The following MAS1 variants were observed in gnomAD, a reference collection of about 807,000 sequenced individuals.
The protein encoded by MAS1 is proto-oncogene Mas.
For synonymous variants in MAS1, 163 were observed against 164.2 expected, an observed-to-expected ratio of 0.99 and a Z score of 0.05; for missense variants, 387 against 409.7, an observed-to-expected ratio of 0.94 and a Z score of 0.48.
rs371160891 is a variant in MAS1, at chr6:159,903,445, C to T, written c.-36-3475C>T. On this transcript the variant is annotated intron_variant, in intron 2 of 2. Transcript: ENST00000674077. ...CCAGGTTCCCGAGCACTAAGCTGGG[C>T]GGGCTGTAGGTTAGCCTGGCTGGAG... Among the ~76,000 whole-genome samples the T allele has an allele frequency of 9.9e-5, 15 of 152,266 alleles. No homozygotes were observed. The South Asian group carries it at 1.2e-3, about 13-fold the overall frequency.
chr6:159,905,212 G>A (rs1782870702), intron 2 of MAS1, among the ~76,000 whole-genome samples: 1 of 152,246 alleles, frequency 6.6e-6, no homozygotes, highest in South Asian at 2.1e-4. Flanking sequence ...CTAGCACAGT[G>A]CCTGGCATGG....
intron 2 of MAS1, among the ~76,000 whole-genome samples, chr6:159,900,887 A>C (rs1478221130): frequency 6.6e-6 from 1 of 152,220 alleles, no homozygotes; most frequent in Non-Finnish European, 1.5e-5. Flanking sequence ...TCCTGGTTTC[A>C]AGGAGTTTGC....
chr6:159,914,029 T>C lies in MAS1; in HGVS notation c.*6096T>C, dbSNP rs189256073. 24 of 152,354 alleles carry C rather than the reference T, an allele frequency of 1.6e-4. No individual in the cohort carries two copies. Among genetic ancestry groups the C allele is most frequent in the African/African-American group, 5.5e-4 (23 of 41,578 alleles). The allele number at this position is 152,354 out of a possible 1,614,324, so 9.4% of individuals were successfully genotyped here. On this transcript the variant is annotated 3_prime_UTR_variant, in exon 3 of 3. Transcript: ENST00000674077. ...CCCAACATGAAACTAATGATTCAAATGATAAGAGGCAAGTGCCAGGCACAA... is the reference window on the plus strand; with the variant it reads ...CCCAACATGAAACTAATGATTCAAACGATAAGAGGCAAGTGCCAGGCACAA...
upstream of MAS1, among the ~76,000 whole-genome samples, chr6:159,889,062 C>A (rs1782666638): frequency 6.6e-6 from 1 of 152,164 alleles, no homozygotes; most frequent in African/African-American, 2.4e-5. Context: ...AAGCTGGGGG[C>A]AAAGAGAGCC....
At chr6:159,898,489 A>ACTCCTCCTCCTCCTCCTCCTC in intron 1 of MAS1, among the ~76,000 whole-genome samples, 1 of 125,100 alleles carries the variant, frequency 8.0e-6, no homozygotes, top group South Asian at 2.7e-4. Flanking sequence ...TGATTTCCAG[A>ACTCCTCCTCCTCCTCCTCCTC]CTCCTCCTCC....
At chr6:159,904,897 T>C (rs1782866573) in intron 2 of MAS1, among the ~76,000 whole-genome samples, 1 of 152,208 alleles carries the variant, frequency 6.6e-6, no homozygotes, top group Admixed American at 6.5e-5. Context: ...ACTTGCTGTT[T>C]CTTTTGCCTG....
At chr6:159,904,417 C>T (rs1423983201) in intron 2 of MAS1, among the ~76,000 whole-genome samples, 1 of 152,154 alleles carries the variant, frequency 6.6e-6, no homozygotes, top group Non-Finnish European at 1.5e-5. Context: ...TAACCCGCTT[C>T]ACCTGCACCT....
rs1783039420 is a variant in MAS1, at chr6:159,917,309, T to C, written c.*9376T>C. On this transcript the variant is annotated 3_prime_UTR_variant, in exon 3 of 3. Coordinates refer to ENST00000674077, the MANE Select transcript of MAS1 (RefSeq NM_002377.4). Reference sequence around the variant, plus strand: ...AAAACGAGAGATTTTCTGTAGTAAGTACATTGCCTGTAAATAGAATTCCAA... The same window carrying C: ...AAAACGAGAGATTTTCTGTAGTAAGCACATTGCCTGTAAATAGAATTCCAA... 6.6e-6 allele frequency among the ~76,000 whole-genome samples: 1 copy of C among 152,232 alleles called. No homozygotes were observed. Among genetic ancestry groups the C allele is most frequent in the African/African-American group, 2.4e-5 (1 of 41,452 alleles).
chr6:159,913,271 G>C lies in MAS1; in HGVS notation c.*5338G>C, dbSNP rs951371074. ...CCAGCTACTTGGGAGGCTGAGGCAG[G>C]AGAATTGCTTGAACCTGGGAGGCGG... On this transcript the variant is annotated 3_prime_UTR_variant, in exon 3 of 3. Coordinates refer to ENST00000674077, the MANE Select transcript of MAS1 (RefSeq NM_002377.4). 1.3e-5 allele frequency: 2 copies of C among 152,346 alleles called. No individual in the cohort carries two copies. The highest frequency in any genetic ancestry group is 1.3e-4 in the Admixed American group (2 of 15,286). The allele number at this position is 152,346 out of a possible 1,614,324, so 9.4% of individuals were successfully genotyped here.
intron 2 of MAS1, chr6:159,906,674 G>C (rs919863173): frequency 5.7e-6 from 2 of 351,938 alleles, no homozygotes; most frequent in Non-Finnish European, 1.0e-5. Context: ...GATATAGAAT[G>C]AATGGTTATC....
chr6:159,903,987 C>T (rs1366295860), intron 2 of MAS1, among the ~76,000 whole-genome samples: 2 of 152,164 alleles, frequency 1.3e-5, no homozygotes, highest in Admixed American at 6.5e-5. Flanking sequence ...TATCAAGTTC[C>T]GGGTCTCAGC....
chr6:159,900,365 A>C (rs1358501700), intron 2 of MAS1, among the ~76,000 whole-genome samples: 1 of 152,176 alleles, frequency 6.6e-6, no homozygotes, highest in African/African-American at 2.4e-5. Context: ...TGAAGAATCC[A>C]CAAAATGACC....
rs1467054568 is a variant in MAS1, at chr6:159,909,497, A to G, written c.*1564A>G. The stretch of plus-strand genomic sequence containing the variant: ...ACTGCCAGCCAAGCTTGGATGCAGG[A>G]GGCTTTTCAGTGGGTGACAACATCT... On this transcript the variant is annotated 3_prime_UTR_variant, in exon 3 of 3. Coordinates refer to ENST00000674077, the MANE Select transcript of MAS1 (RefSeq NM_002377.4). 6.6e-6 allele frequency: 1 copy of G among 152,232 alleles called. No individual in the cohort carries two copies. Among genetic ancestry groups the G allele is most frequent in the Admixed American group, 6.5e-5 (1 of 15,282 alleles). 9.4% of individuals were successfully genotyped at this position (152,232 alleles called of 1,614,324 possible).
chr6:159,908,030 G>T lies in MAS1; in HGVS notation c.*97G>T. The T allele has an allele frequency of 7.4e-7, 1 of 1,342,482 alleles. No individual in the cohort carries two copies. Among genetic ancestry groups the T allele is most frequent in the Middle Eastern group, 2.2e-4 (1 of 4,618 alleles). 83.2% of individuals were successfully genotyped at this position (1,342,482 alleles called of 1,614,324 possible). A position where few individuals can be genotyped will look rare whatever the true frequency, so the allele number is the denominator to read the frequency against. ...TTAAGTATCTCCTAAATGTGATACA[G>T]AAGAACATCTCATCCCATATGCATG... On this transcript the variant is annotated 3_prime_UTR_variant, in exon 3 of 3. Coordinates refer to ENST00000674077, the MANE Select transcript of MAS1 (RefSeq NM_002377.4).
Position 159,916,445 on chromosome 6 carries a change from C to T in MAS1, c.*8512C>T, listed in dbSNP as rs575300019. ...GCACAACAATGGACATGTAGCTAAC[C>T]CCACTGTACTGTATTCTTAAAAATG... is the stretch of plus-strand genomic sequence containing the variant. On this transcript the variant is annotated 3_prime_UTR_variant, in exon 3 of 3. Transcript: ENST00000674077. The T allele has an allele frequency of 1.5e-4, 23 of 152,188 alleles. No homozygotes were observed. Among genetic ancestry groups the T allele is most frequent in the African/African-American group, 5.5e-4 (23 of 41,508 alleles). The allele number at this position is 152,188 out of a possible 1,614,324, so 9.4% of individuals were successfully genotyped here.
intron 1 of MAS1, among the ~76,000 whole-genome samples, chr6:159,894,861 A>G (rs1288486736): frequency 2.6e-5 from 4 of 152,230 alleles, no homozygotes; most frequent in Non-Finnish European, 5.9e-5. Flanking sequence ...ACTCTGTTTC[A>G]CAGAAGAAAG....
At chr6:159,903,093 C>T (rs1583213405) in intron 2 of MAS1, among the ~76,000 whole-genome samples, 3 of 152,250 alleles carry the variant, frequency 2.0e-5, no homozygotes, top group African/African-American at 7.2e-5. Context: ...CAGCCCCCAC[C>T]TCCTCCTTCC....
Position 159,907,038 on chromosome 6 carries a change from C to T in MAS1, c.83C>T (p.Ala28Val). The part of the protein sequence containing the change: ...STGRNASVGN[A>V]HRQIPIVHWV... ...GGCAGGAACGCCTCAGTCGGGAATG[C>T]ACATCGGCAAATCCCCATCGTGCAC... is the stretch of plus-strand genomic sequence containing the variant. The change falls in exon 3 of 3, where the codon GCA becomes GTA. Residue 28 changes from alanine to valine, a missense_variant. By Grantham distance (64) the Ala-to-Val change is moderately conservative. Transcript: ENST00000674077. 6.2e-7 allele frequency: 1 copy of T among 1,614,040 alleles called. No homozygotes were observed. The highest frequency in any genetic ancestry group is 1.6e-4 in the Middle Eastern group (1 of 6,062).
rs776070771 is a variant in MAS1 at position 159,907,118 on chromosome 6, TG to T, written c.165del (p.Trp55CysfsTer7). ...VGFVENGILLWFLCFRMRRNP... is the reference protein window; with the variant it reads ...VGFVENGILLXFLCFRMRRNP... The stretch of plus-strand genomic sequence containing the variant: ...GTTTGTTGAGAATGGGATTCTCCTC[TG>T]GTTCCTGTGCTTCCGGATGAGAAGA... On this transcript the variant is annotated frameshift_variant, in exon 3 of 3. Coordinates refer to ENST00000674077, the MANE Select transcript of MAS1 (RefSeq NM_002377.4). LOFTEE classifies it low-confidence loss of function (END_TRUNC). 3.7e-6 allele frequency: 6 copies of T among 1,614,118 alleles called. No individual in the cohort carries two copies. The highest frequency in any genetic ancestry group is 5.1e-6 in the Non-Finnish European group (6 of 1,180,032).
Sources: gnomAD v4.1 joint callset for allele counts (sites outside exome capture counted in the v4.1 genomes callset) on GRCh38, gnomAD v4.1.1 for gene constraint, MANE v1.5 for transcripts, NCBI Gene and HGNC (gene_info 2026-07-23, HGNC 2026-07-21) for gene names.